Variants in PAK3 observed in about 807,000 individuals in gnomAD.
The protein encoded by PAK3 is p21 (RAC1) activated kinase 3.
A neutral mutation model predicts 41.0 loss-of-function variants in PAK3; 4 were observed. The ratio of observed to expected loss-of-function variants is 0.10; its 90% CI spans 0.05 to 0.22. PAK3 has a LOEUF of 0.22. Among genes scored for constraint, PAK3 ranks in the 10% least tolerant of loss-of-function variants. The pLI, the probability that PAK3 is intolerant of heterozygous loss-of-function variation, is 1.00. For missense variants in PAK3, 205 were observed against 409.9 expected, an observed-to-expected ratio of 0.50 and a Z score of 4.32; for synonymous variants, 146 against 139.6, an observed-to-expected ratio of 1.05 and a Z score of -0.32.
chrX:111,075,998 A>G (rs756972867), intron 1 of PAK3, among the ~76,000 whole-genome samples: 4 of 112,315 alleles, frequency 3.6e-5, no homozygotes, highest in African/African-American at 1.3e-4. Context: ...CTTCTAGCCA[A>G]TTTCTCCATT....
intron 16 of PAK3, among the ~76,000 whole-genome samples, chrX:111,212,425 C>T (rs1264976875): frequency 9.0e-6 from 1 of 111,289 alleles, no homozygotes; most frequent in African/African-American, 3.3e-5. Context: ...CCCCAGCTTA[C>T]TCACAGGATG....
chrX:111,202,545 C>T (rs999930386), intron 16 of PAK3, among the ~76,000 whole-genome samples: 4 of 111,898 alleles, frequency 3.6e-5, no homozygotes, highest in Middle Eastern at 4.6e-3. Context: ...TGTGGATATA[C>T]AAATCAAATG....
At chrX:111,092,113 A>G (rs764870916), upstream of PAK3, among the ~76,000 whole-genome samples, 10 of 111,978 alleles carry the variant, frequency 8.9e-5, no homozygotes, top group Admixed American at 2.8e-4. Flanking sequence ...CTTGATTGCT[A>G]CACCTGAATC....
intron 1 of PAK3, among the ~76,000 whole-genome samples, chrX:111,041,100 A>C (rs1331179806): frequency 8.9e-6 from 1 of 112,694 alleles, no homozygotes; most frequent in Non-Finnish European, 1.9e-5. Context: ...CGCATTTGCC[A>C]CTTTCTTCAA....
At chrX:110,950,983 T>A (rs1290670873) in intron 1 of PAK3, among the ~76,000 whole-genome samples, 1 of 111,812 alleles carries the variant, frequency 8.9e-6, no homozygotes, top group Non-Finnish European at 1.9e-5. Context: ...CTTTTTAATC[T>A]TAGACAATGT....
chrX:111,040,800 A>G (rs2092445805), intron 1 of PAK3, among the ~76,000 whole-genome samples: 1 of 112,220 alleles, frequency 8.9e-6, no homozygotes, highest in Admixed American at 9.4e-5. Context: ...GCCCATTATT[A>G]CAAGCTGTAC....
At chrX:111,054,564 A>C (rs2092587664) in intron 1 of PAK3, among the ~76,000 whole-genome samples, 1 of 111,517 alleles carries the variant, frequency 9.0e-6, no homozygotes. Flanking sequence ...TAGGGCTTCC[A>C]AAGGCCCTAT....
chrX:111,053,844 C>T (rs1000288868), intron 1 of PAK3, among the ~76,000 whole-genome samples: 2 of 112,005 alleles, frequency 1.8e-5, no homozygotes, highest in Non-Finnish European at 3.8e-5. Context: ...CTCCTAATAC[C>T]AATAAACAGC....
chrX:111,193,568 T>TA (rs1307366827), intron 13 of PAK3, among the ~76,000 whole-genome samples: 1 of 109,741 alleles, frequency 9.1e-6, no homozygotes, highest in Non-Finnish European at 1.9e-5. Context: ...CAGGCTGGTC[T>TA]CAAACTCCTG....
chrX:111,050,075 G>T (rs928002010), intron 1 of PAK3, among the ~76,000 whole-genome samples: 4 of 111,665 alleles, frequency 3.6e-5, no homozygotes, highest in Non-Finnish European at 5.6e-5. Flanking sequence ...TATTTCAAGG[G>T]ATCTGTCTAT....
rs542189435 is a variant in PAK3 at position 111,178,526 on chromosome X, A to G, written c.830+5445A>G. On this transcript the variant is annotated intron_variant, in intron 11 of 17. Transcript: ENST00000372007. The stretch of plus-strand genomic sequence containing the variant: ...ATCTCATAAGGTTGTAAAAATAAAT[A>G]AGAGAAGGCATTTAAAGTCCTTAGC... Among the ~76,000 whole-genome samples, 11 of 111,984 alleles carry G rather than the reference A, an allele frequency of 9.8e-5. No homozygotes were observed. In the East Asian group the frequency reaches 1.4e-3, roughly 14 times the overall value.
rs954244381 is a variant in PAK3, at chrX:111,067,966, G to T, written c.-27-55111G>T. ...CATAAAATGTTTAGCCTTTCAATTT[G>T]TTCTATTATTTTTCTATGATTTTCT... On this transcript the variant is annotated intron_variant, in intron 1 of 14. Transcript: ENST00000425146. Among the ~76,000 whole-genome samples the T allele has an allele frequency of 1.4e-4, 15 of 110,904 alleles. 2 individuals carry two copies. The highest frequency in any genetic ancestry group is 1.3e-3 in the Admixed American group (14 of 10,486).
At chrX:111,206,928 A>T (rs772062782) in intron 16 of PAK3, among the ~76,000 whole-genome samples, 2 of 111,003 alleles carry the variant, frequency 1.8e-5, no homozygotes, top group Non-Finnish European at 3.8e-5. Flanking sequence ...CTAAGTCATA[A>T]GGTGTTAAGT....
upstream of PAK3, among the ~76,000 whole-genome samples, chrX:111,092,661 C>A (rs1167713714): frequency 9.0e-6 from 1 of 111,385 alleles, no homozygotes; most frequent in Non-Finnish European, 1.9e-5. Flanking sequence ...ATACTTATTC[C>A]CAAACTCATA....
intron 1 of PAK3, among the ~76,000 whole-genome samples, chrX:110,964,375 A>T (rs1456744572): frequency 8.9e-6 from 1 of 112,049 alleles, no homozygotes; most frequent in Non-Finnish European, 1.9e-5. Context: ...CAAATTGCTG[A>T]CTCCATAGGT....
rs529494680 is a variant in PAK3, at chrX:111,025,452, G to A, written c.-28+80824G>A. 1.1e-4 allele frequency among the ~76,000 whole-genome samples: 12 copies of A among 110,849 alleles called. No homozygotes were observed. In the East Asian group the frequency reaches 2.8e-3, roughly 26 times the overall value. On this transcript the variant is annotated intron_variant, in intron 1 of 14. Coordinates refer to the PAK3 transcript ENST00000425146. ...AAATAAACACAATTAGAAACAAAAC[G>A]GGAGATATTACAACCAACACCACAG...
At chrX:110,969,171 C>G (rs1371327009) in intron 1 of PAK3, among the ~76,000 whole-genome samples, 1 of 89,429 alleles carries the variant, frequency 1.1e-5, no homozygotes, top group African/African-American at 4.3e-5. Flanking sequence ...TGGTCTCAAA[C>G]TCCCGACCTC....
chrX:111,149,571 G>T (rs770435054), intron 7 of PAK3, among the ~76,000 whole-genome samples: 1 of 112,119 alleles, frequency 8.9e-6, no homozygotes, highest in Non-Finnish European at 1.9e-5. Context: ...CTTGACTTCC[G>T]TGCACATGCA....
chrX:111,062,725 C>G (rs1238474221), intron 1 of PAK3, among the ~76,000 whole-genome samples: 1 of 111,809 alleles, frequency 8.9e-6, no homozygotes, highest in Non-Finnish European at 1.9e-5. Flanking sequence ...ACCTGCCTGC[C>G]TGCCTACCTG....
Sources: allele counts gnomAD v4.1 joint callset (sites outside exome capture counted in the v4.1 genomes callset), GRCh38; gene constraint gnomAD v4.1.1; transcripts MANE v1.5; gene names NCBI Gene and HGNC (gene_info 2026-07-23, HGNC 2026-07-21).